The following COL14A1 variants were observed in gnomAD, a reference collection of about 807,000 sequenced individuals.
COL14A1 encodes the protein collagen alpha-1(XIV) chain.
Under a neutral mutation model 230.3 loss-of-function variants are expected in COL14A1, and 136 were observed. The observed-to-expected ratio is 0.59, with a 90% CI of 0.51 to 0.68. The LOEUF (loss-of-function observed/expected upper bound fraction) is 0.68, where lower values mean the gene tolerates loss of function less well. Ranked by LOEUF, COL14A1 falls within the 30% of genes least tolerant of loss-of-function variation. The probability of loss-of-function intolerance (pLI) is 0.00; values close to 1 mark genes in which losing one functional copy is unlikely to be tolerated. For missense variants in COL14A1, 1,976 were observed against 2,215.8 expected (o/e 0.89, Z 2.17); for synonymous variants, 792 against 784.1 (o/e 1.01, Z -0.17).
chr8:120,260,021 A>C (rs1019341981), intron 23 of COL14A1, among the ~76,000 whole-genome samples: 1 of 152,194 alleles, frequency 6.6e-6, no homozygotes. Context: ...TCTCACAAAC[A>C]CTTTAACAAT....
At chr8:120,252,733 AT>A (rs1047741048) in intron 22 of COL14A1, among the ~76,000 whole-genome samples, 1 of 152,226 alleles carries the variant, frequency 6.6e-6, no homozygotes, top group Non-Finnish European at 1.5e-5. Context: ...TACTATTATT[AT>A]TGTAATGATG....
Position 120,206,362 on chromosome 8 carries a change from T to TTTGC in COL14A1, c.1040-579_1040-578insGCTT, listed in dbSNP as rs541656652. On this transcript the variant is annotated intron_variant, in intron 9 of 47. Coordinates refer to ENST00000297848, the MANE Select transcript of COL14A1 (RefSeq NM_021110.4). ...TAATGTTTGTTTGTTTGTTTGTTTG[T>TTTGC]TTTTTGGAGGCAGAGTGTTGCTCTA... 4.2e-3 allele frequency among the ~76,000 whole-genome samples: 631 copies of TTTGC among 151,968 alleles called. 115 individuals are homozygous for TTTGC. Among genetic ancestry groups the TTTGC allele is most frequent in the African/African-American group, 0.014 (584 of 41,394 alleles).
Position 120,370,643 on chromosome 8 carries a change from C to T in COL14A1, c.5312-509C>T, listed in dbSNP as rs189632422. 4.3e-4 allele frequency: 630 copies of T among 1,454,106 alleles called. 1 individual carries two copies. The highest frequency in any genetic ancestry group is 5.5e-4 in the Non-Finnish European group (604 of 1,096,416). The allele number at this position is 1,454,106 out of a possible 1,614,324, so 90.1% of individuals were successfully genotyped here. A position where few individuals can be genotyped will look rare whatever the true frequency, so the allele number is the denominator to read the frequency against. On this transcript the variant is annotated intron_variant, in intron 47 of 47. Transcript: ENST00000297848. ...GTCAGCCTGGATAGAGGTATATGAT[C>T]GTGTGCCAAGAATTTATCCCAGACT...
intron 40 of COL14A1, among the ~76,000 whole-genome samples, chr8:120,329,660 G>T (rs1443976970): frequency 1.3e-5 from 2 of 152,118 alleles, no homozygotes; most frequent in Non-Finnish European, 1.5e-5. Context: ...GTATTGTTTA[G>T]TTAGCAGGTC....
intron 2 of COL14A1, among the ~76,000 whole-genome samples, chr8:120,148,889 G>A (rs562142000): frequency 3.3e-5 from 5 of 152,178 alleles, no homozygotes; most frequent in Non-Finnish European, 5.9e-5. Context: ...AACTACCTGT[G>A]GGCCAAATCT....
chr8:120,182,020 T>C (rs1316871577), intron 5 of COL14A1, among the ~76,000 whole-genome samples: 2 of 152,094 alleles, frequency 1.3e-5, no homozygotes, highest in Admixed American at 6.5e-5. Context: ...TCTTCTAGCG[T>C]TAGACCTCCA....
chr8:120,287,796 A>C (rs555222839), intron 33 of COL14A1, among the ~76,000 whole-genome samples: 33 of 152,242 alleles, frequency 2.2e-4, no homozygotes, highest in African/African-American at 7.7e-4. Context: ...TCTCAATGCA[A>C]ATTCAATTTG....
intron 40 of COL14A1, among the ~76,000 whole-genome samples, chr8:120,330,998 C>T (rs1005820614): frequency 6.6e-6 from 1 of 150,506 alleles, no homozygotes; most frequent in African/African-American, 2.4e-5. Flanking sequence ...CCACCTACTT[C>T]GGAGGCTGAG....
At chr8:120,267,098 C>T in intron 25 of COL14A1, 1 of 503,218 alleles carries the variant, frequency 2.0e-6, no homozygotes, top group Non-Finnish European at 3.5e-6. Flanking sequence ...AACAGAATTG[C>T]TTAATACTAT....
rs138857683 is a variant in COL14A1, at chr8:120,139,532, C to A, written c.-37-8274C>A. On this transcript the variant is annotated intron_variant, in intron 1 of 47. Transcript: ENST00000297848. ...GCCTAAACTTTTTTGCCAAGTTAGT[C>A]CCACAACCTTAATGTGATAGAAGAG... is the stretch of plus-strand genomic sequence containing the variant. Among the ~76,000 whole-genome samples the A allele has an allele frequency of 2.8e-3, 426 of 152,284 alleles. 1 individual carries two copies. Among genetic ancestry groups the A allele is most frequent in the Non-Finnish European group, 4.1e-3 (280 of 68,016 alleles).
intron 6 of COL14A1, 102 bp downstream of exon 6, chr8:120,197,048 A>G (rs998441484): frequency 4.5e-6 from 5 of 1,112,210 alleles, no homozygotes; most frequent in Admixed American, 2.1e-5. Flanking sequence ...GACTTTCAGG[A>G]TTGCAGGATA....
chr8:120,263,292 A>T (rs62527025), intron 24 of COL14A1, among the ~76,000 whole-genome samples: 1 of 152,182 alleles, frequency 6.6e-6, no homozygotes, highest in Non-Finnish European at 1.5e-5. Flanking sequence ...TTACATTGTG[A>T]TCCAGATCCA....
chr8:120,253,749 C>T (rs536236747), intron 22 of COL14A1, among the ~76,000 whole-genome samples: 90 of 152,036 alleles, frequency 5.9e-4, no homozygotes, highest in African/African-American at 2.0e-3. Flanking sequence ...CATGGTGAAA[C>T]CCTGTCTCTA....
intron 33 of COL14A1, among the ~76,000 whole-genome samples, chr8:120,288,403 C>T (rs1023543066): frequency 4.6e-5 from 7 of 151,898 alleles, no homozygotes; most frequent in Admixed American, 2.0e-4. Context: ...GCTTTCAGCT[C>T]GTATGCAACA....
intron 19 of COL14A1, among the ~76,000 whole-genome samples, chr8:120,240,422 A>G (rs890259491): frequency 6.6e-6 from 1 of 152,200 alleles, no homozygotes; most frequent in African/African-American, 2.4e-5. Flanking sequence ...ACTGCATGTA[A>G]ATTTAGATTA....
intron 4 of COL14A1, among the ~76,000 whole-genome samples, chr8:120,166,912 GTGTGTGTGTGGTGGTGATGA>G (rs1329149467): frequency 2.0e-5 from 3 of 149,146 alleles, no homozygotes; most frequent in African/African-American, 7.6e-5. Context: ...GTGTGTGTGT[GTGTGTGTGTGGTGGTGATGA>G]TGGTGGTGGT....
intron 15 of COL14A1, 99 bp from the exon 16 acceptor site, chr8:120,226,528 A>C: frequency 7.8e-7 from 1 of 1,286,134 alleles, no homozygotes; most frequent in Non-Finnish European, 1.1e-6. Flanking sequence ...CTAAAGCAAA[A>C]GATTCCTCAA....
intron 5 of COL14A1, among the ~76,000 whole-genome samples, chr8:120,196,355 T>G (rs1235957695): frequency 6.6e-6 from 1 of 152,212 alleles, no homozygotes; most frequent in Non-Finnish European, 1.5e-5. Flanking sequence ...CTCTTTTTTC[T>G]ATCACTTCCT....
Position 120,262,868 on chromosome 8 carries a change from A to G in COL14A1, c.2870A>G (p.Asp957Gly), listed in dbSNP as rs751729410. The change falls in exon 24 of 48, where the codon GAT (aspartate) becomes GGT (glycine). Residue 957 changes from aspartate to glycine, a missense_variant and splice_region_variant. Asp to Gly is a moderately conservative substitution (Grantham distance 94, BLOSUM62 -1). Coordinates refer to ENST00000297848, the MANE Select transcript of COL14A1 (RefSeq NM_021110.4). ...TTGTTTTGTTTTGTTTTTATTATAG[A>G]TAGGCAAAAGCAAGAATCCACTGTG... ...AYRVVIESLQ[D>G]RQKQESTVGG... The G allele has an allele frequency of 2.5e-6, 4 of 1,600,150 alleles. No homozygotes were observed. The African/African-American group carries it at 4.1e-5, about 16-fold the overall frequency.
Sources: allele counts gnomAD v4.1 joint callset (sites outside exome capture counted in the v4.1 genomes callset), GRCh38; gene constraint gnomAD v4.1.1; transcripts MANE v1.5; gene names NCBI Gene and HGNC (gene_info 2026-07-23, HGNC 2026-07-21).